Variants in IDE observed in about 807,000 individuals in gnomAD.
IDE encodes insulin degrading enzyme.
Under a neutral mutation model 133.2 loss-of-function variants are expected in IDE, and 58 were observed. The ratio of observed to expected loss-of-function variants is 0.44; its 90% CI spans 0.35 to 0.54. The LOEUF (loss-of-function observed/expected upper bound fraction) is 0.54. Among genes scored for constraint, IDE ranks in the 20% least tolerant of loss-of-function variants. The pLI, the probability that IDE is intolerant of heterozygous loss-of-function variation, is 0.00. For synonymous variants in IDE, 396 were observed against 421.3 expected (o/e 0.94, Z 0.73); for missense variants, 981 against 1,234.0 (o/e 0.79, Z 3.07).
chr10:92,455,701 A>AAC lies in IDE; in HGVS notation c.2897-59_2897-58insGT. 1.0e-5 allele frequency: 6 copies of AAC among 573,396 alleles called. No individual in the cohort carries two copies. In the African/African-American group the frequency reaches 1.1e-4, roughly 11 times the overall value. 35.5% of individuals were successfully genotyped at this position (573,396 alleles called of 1,614,324 possible). On this transcript the variant is annotated intron_variant, in intron 23 of 24. Transcript: ENST00000265986. ...CTTATTGATACTATCACAAAAGAAC[A>AAC]AAAAAAAAAAACTAAACCAGACTCA...
In IDE at chr10:92,464,006, G is replaced by A. The variant is rs747306678; in HGVS notation, c.2489-3C>T. On this transcript the variant is annotated splice_polypyrimidine_tract_variant and splice_region_variant and intron_variant, in intron 20 of 24. Transcript: ENST00000265986. ...TGGCCCGCTGAAGACGATATAGCCT[G>A]AAACACAGACATCAGCCAGTCATGA... 3 of 1,607,664 alleles carry A rather than the reference G, an allele frequency of 1.9e-6. No individual in the cohort carries two copies. The Admixed American group carries it at 5.0e-5, about 27-fold the overall frequency.
chr10:92,514,987 T>C lies in IDE; in HGVS notation c.717A>G (p.Gln239=), dbSNP rs150673970. The change falls in exon 5 of 25, where the codon CAA becomes CAG. Residue 239 remains glutamine, a synonymous_variant. Coordinates refer to ENST00000265986, the MANE Select transcript of IDE (RefSeq NM_004969.4). The part of the protein sequence containing the change: ...RPNQEGIDVR[Q]ELLKFHSAYY... ...AAGCAGAATGGAATTTCAGTAGCTC[T>C]TGTCTTACATCAATGCCTTCTTGGT... 1.6e-4 allele frequency: 259 copies of C among 1,610,194 alleles called. No homozygotes were observed. Among genetic ancestry groups the C allele is most frequent in the Non-Finnish European group, 2.0e-4 (236 of 1,176,722 alleles).
At chr10:92,517,275 C>T (rs966238545) in intron 4 of IDE, among the ~76,000 whole-genome samples, 2 of 152,190 alleles carry the variant, frequency 1.3e-5, no homozygotes, top group African/African-American at 2.4e-5. Flanking sequence ...CTTAACAGAT[C>T]CAGTGAAGAC....
intron 1 of IDE, among the ~76,000 whole-genome samples, chr10:92,564,662 A>C (rs1260409285): frequency 3.1e-5 from 4 of 130,270 alleles, no homozygotes; most frequent in Non-Finnish European, 4.8e-5. Context: ...CGATAAAGCG[A>C]GACTGTCTCA....
At chr10:92,561,071 G>A (rs1843257825) in intron 1 of IDE, among the ~76,000 whole-genome samples, 1 of 151,936 alleles carries the variant, frequency 6.6e-6, no homozygotes, top group Non-Finnish European at 1.5e-5. Flanking sequence ...TGGCCAACAT[G>A]GTGAAACCCT....
chr10:92,513,256 A>C (rs760789924), intron 5 of IDE, among the ~76,000 whole-genome samples: 5 of 152,126 alleles, frequency 3.3e-5, no homozygotes, highest in Non-Finnish European at 5.9e-5. Context: ...GCAGTGGCAC[A>C]ATCTTGGCTC....
intron 16 of IDE, 65 bp downstream of exon 16, chr10:92,475,819 T>C (rs1846223457): frequency 4.7e-6 from 3 of 644,298 alleles, no homozygotes; most frequent in South Asian, 2.1e-5. Flanking sequence ...AAAACTATTA[T>C]GAAAACTTTT....
At chr10:92,458,300 G>T (rs1034949861) in intron 22 of IDE, among the ~76,000 whole-genome samples, 23 of 152,042 alleles carry the variant, frequency 1.5e-4, no homozygotes, top group Non-Finnish European at 1.2e-4. Flanking sequence ...TCTTTACTGT[G>T]GGACTTCTTA....
At chr10:92,470,797 A>G (rs1412169967) in intron 17 of IDE, among the ~76,000 whole-genome samples, 1 of 152,184 alleles carries the variant, frequency 6.6e-6, no homozygotes, top group Non-Finnish European at 1.5e-5. Context: ...TACCACAAAG[A>G]ATACCACAAA....
Position 92,574,009 on chromosome 10 carries a change from C to G in IDE, c.11G>C (p.Arg4Pro), listed in dbSNP as rs1315768589. 5 of 1,513,516 alleles carry G rather than the reference C, an allele frequency of 3.3e-6. No homozygotes were observed. Among genetic ancestry groups the G allele is most frequent in the Non-Finnish European group, 4.4e-6 (5 of 1,132,970 alleles). The allele number at this position is 1,513,516 out of a possible 1,614,324, so 93.8% of individuals were successfully genotyped here. The stretch of plus-strand genomic sequence containing the variant: ...TGCGGGGTGCAGAAGCCACGCTAGC[C>G]GGTACCGCATTAGCCAGCGCAGTCG... MRY[R>P]LAWLLHPALP... The change falls in exon 1 of 25, where the codon CGG (arginine) becomes CCG (proline). Residue 4 changes from arginine (R) to proline (P), a missense_variant. Physicochemically the swap from Arg to Pro is moderately radical, Grantham distance 103. Coordinates refer to ENST00000265986, the MANE Select transcript of IDE (RefSeq NM_004969.4).
rs1437336039 is a variant in IDE at position 92,504,927 on chromosome 10, A to G, written c.1327-30T>C. 5 of 1,012,826 alleles carry G rather than the reference A, an allele frequency of 4.9e-6. No individual in the cohort carries two copies. In the Admixed American group the frequency reaches 7.1e-5, roughly 14 times the overall value. The allele number at this position is 1,012,826 out of a possible 1,614,324, so 62.7% of individuals were successfully genotyped here. A position where few individuals can be genotyped will look rare whatever the true frequency, so the allele number is the denominator to read the frequency against. On this transcript the variant is annotated intron_variant, in intron 10 of 24. Coordinates refer to ENST00000265986, the MANE Select transcript of IDE (RefSeq NM_004969.4). Reference sequence around the variant, plus strand: ...TAAAAAGGAAAATATAAATAAATAAAATATACAAAGCTACTACATAGTTTA... The same window carrying G: ...TAAAAAGGAAAATATAAATAAATAAGATATACAAAGCTACTACATAGTTTA...
chr10:92,465,451 TG>T (rs1845631195), intron 20 of IDE, among the ~76,000 whole-genome samples: 1 of 152,202 alleles, frequency 6.6e-6, no homozygotes, highest in Admixed American at 6.5e-5. Flanking sequence ...TTTATTGACA[TG>T]TATGTAATAT....
intron 5 of IDE, among the ~76,000 whole-genome samples, chr10:92,510,783 T>G (rs1056422208): frequency 4.8e-5 from 2 of 41,528 alleles, no homozygotes; most frequent in East Asian, 1.4e-3. Flanking sequence ...AGCACATACA[T>G]CTCACATGAT....
chr10:92,541,425 A>G lies in IDE; in HGVS notation c.99-3875T>C, dbSNP rs1353698393. 3 of 341,210 alleles carry G rather than the reference A, an allele frequency of 8.8e-6. No individual in the cohort carries two copies. In the East Asian group the frequency reaches 3.2e-4, roughly 36 times the overall value. 21.1% of individuals were successfully genotyped at this position (341,210 alleles called of 1,614,324 possible). ...TCTATCTACTTCAGATCATTAGCAT[A>G]AAGCCTTCAAGAGTAATTTTATTTA... is the stretch of plus-strand genomic sequence containing the variant. On this transcript the variant is annotated intron_variant, in intron 1 of 24. Transcript: ENST00000265986.
At chr10:92,570,618 G>C (rs531025018) in intron 1 of IDE, among the ~76,000 whole-genome samples, 1 of 152,274 alleles carries the variant, frequency 6.6e-6, no homozygotes, top group Admixed American at 6.5e-5. Flanking sequence ...AAGGAAACCA[G>C]TGTTTATGAA....
intron 14 of IDE, 108 bp downstream of exon 14, chr10:92,483,147 T>C: frequency 1.6e-6 from 1 of 627,028 alleles, no homozygotes; most frequent in Non-Finnish European, 2.8e-6. Context: ...GTGAAATAAC[T>C]CTAATTCCTT....
chr10:92,567,464 T>C (rs1048272153), intron 1 of IDE, among the ~76,000 whole-genome samples: 1 of 152,208 alleles, frequency 6.6e-6, no homozygotes, highest in Non-Finnish European at 1.5e-5. Context: ...TTGTACTACC[T>C]TCTTTATCCC....
intron 1 of IDE, among the ~76,000 whole-genome samples, chr10:92,561,619 G>C (rs1383699529): frequency 6.6e-6 from 1 of 151,820 alleles, no homozygotes; most frequent in Non-Finnish European, 1.5e-5. Flanking sequence ...AAAATTAGCT[G>C]GGCGTGGTGG....
At chr10:92,523,149 G>C (rs1849321643) in intron 4 of IDE, among the ~76,000 whole-genome samples, 1 of 152,166 alleles carries the variant, frequency 6.6e-6, no homozygotes, top group South Asian at 2.1e-4. Context: ...TAGCAGCGGA[G>C]TCAGGCAGAT....
Sources: allele counts gnomAD v4.1 joint callset (sites outside exome capture counted in the v4.1 genomes callset), GRCh38; gene constraint gnomAD v4.1.1; transcripts MANE v1.5; gene names NCBI Gene and HGNC (gene_info 2026-07-23, HGNC 2026-07-21).